Variants in KCNN1 observed in about 807,000 individuals in gnomAD.
KCNN1 encodes the protein small conductance calcium-activated potassium channel protein 1.
Under a neutral mutation model 44.7 loss-of-function variants are expected in KCNN1, and 20 were observed. That is an observed-to-expected ratio of 0.45 (90% CI 0.32 to 0.65). The LOEUF is 0.65. Among genes scored for constraint, KCNN1 ranks in the 30% least tolerant of loss-of-function variants. The probability of loss-of-function intolerance (pLI) is 0.05; values close to 1 mark genes in which losing one functional copy is unlikely to be tolerated. For synonymous variants in KCNN1, 324 were observed against 341.7 expected, an observed-to-expected ratio of 0.95 and a Z score of 0.57; for missense variants, 632 against 785.3, an observed-to-expected ratio of 0.80 and a Z score of 2.33.
At chr19:17,975,896 T>C (rs1477769511) in intron 3 of KCNN1, among the ~76,000 whole-genome samples, 1 of 151,994 alleles carries the variant, frequency 6.6e-6, no homozygotes, top group African/African-American at 2.4e-5. Flanking sequence ...GTCTTGTCAG[T>C]GTCTCGCCAT....
At chr19:17,987,020 T>C (rs2145958711) in intron 5 of KCNN1, among the ~76,000 whole-genome samples, 2 of 152,036 alleles carry the variant, frequency 1.3e-5, no homozygotes, top group Middle Eastern at 6.8e-3. Flanking sequence ...CTGGCCAGTC[T>C]GGTCTTGAAC....
At chr19:17,997,699 C>T (rs2033046981) in intron 9 of KCNN1, among the ~76,000 whole-genome samples, 2 of 152,104 alleles carry the variant, frequency 1.3e-5, no homozygotes, top group Admixed American at 1.3e-4. Flanking sequence ...AGGCTGGTCT[C>T]AAACTCCTGA....
intron 2 of KCNN1, among the ~76,000 whole-genome samples, chr19:17,961,191 A>C (rs1167140361): frequency 6.6e-6 from 1 of 150,466 alleles, no homozygotes; most frequent in East Asian, 2.0e-4. Context: ...GACTCAAAAA[A>C]AAAAAAAAAA....
Position 17,999,899 on chromosome 19 carries a change from G to C in KCNN1, c.*1493G>C, listed in dbSNP as rs2145989095. On this transcript the variant is annotated 3_prime_UTR_variant, in exon 10 of 10. Coordinates refer to ENST00000684775, the MANE Select transcript of KCNN1 (RefSeq NM_001386974.1). ...GAAGGGTATGAGGAGGTGCTGGTCA[G>C]ACCCGGGTTCGAGTCCTGACTCTGC... The C allele has an allele frequency of 2.2e-6, 1 of 452,942 alleles. No individual in the cohort carries two copies. The highest frequency in any genetic ancestry group is 4.5e-4 in the Middle Eastern group (1 of 2,198). 28.1% of individuals were successfully genotyped at this position (452,942 alleles called of 1,614,324 possible).
chr19:17,973,250 G>A (rs1383562629), intron 1 of KCNN1, among the ~76,000 whole-genome samples: 1 of 152,076 alleles, frequency 6.6e-6, no homozygotes, highest in Non-Finnish European at 1.5e-5. Flanking sequence ...TTACAAGTGT[G>A]CACCACTGGG....
intron 2 of KCNN1, among the ~76,000 whole-genome samples, chr19:17,954,894 C>T (rs370871622): frequency 5.3e-5 from 8 of 151,890 alleles, no homozygotes; most frequent in African/African-American, 7.3e-5. Flanking sequence ...AAAAATTGCC[C>T]GGGGATGGTG....
chr19:17,995,174 CT>C (rs201597845), intron 9 of KCNN1, among the ~76,000 whole-genome samples: 131 of 142,202 alleles, frequency 9.2e-4, no homozygotes, highest in Non-Finnish European at 7.9e-4. Flanking sequence ...AGGGAATCTT[CT>C]TTTTTTTTTT....
chr19:17,961,117 C>T (rs946794316), intron 2 of KCNN1, among the ~76,000 whole-genome samples: 3 of 140,524 alleles, frequency 2.1e-5, no homozygotes, highest in Admixed American at 1.6e-4. Context: ...ACCCAGGAGG[C>T]GGAGGTTGCA....
Position 17,988,526 on chromosome 19 carries a change from G to C in KCNN1, c.1170+1G>C. 6.2e-7 allele frequency: 1 copy of C among 1,611,696 alleles called. No individual in the cohort carries two copies. Among genetic ancestry groups the C allele is most frequent in the South Asian group, 1.1e-5 (1 of 90,920 alleles). ...GATGGACACTCAGCTCACCAAGCGG[G>C]TGAGGACCGCGGTTCCCATGGAGGC... On this transcript the variant is annotated splice_donor_variant, in intron 6 of 9. Coordinates refer to ENST00000684775, the MANE Select transcript of KCNN1 (RefSeq NM_001386974.1). LOFTEE classifies it high-confidence loss of function.
chr19:17,994,770 C>T (rs983588876), intron 9 of KCNN1, among the ~76,000 whole-genome samples: 10 of 152,210 alleles, frequency 6.6e-5, no homozygotes, highest in Non-Finnish European at 1.3e-4. Flanking sequence ...TCTCGAACTC[C>T]TGACCTTAAG....
rs1172260558 is a variant in KCNN1, at chr19:17,993,335, G to A, written c.1308-155G>A. On this transcript the variant is annotated intron_variant, in intron 8 of 9. Coordinates refer to ENST00000684775, the MANE Select transcript of KCNN1 (RefSeq NM_001386974.1). This position sits in a 1 kb window ranked among gnomAD's most constrained non-coding sequence, Gnocchi z 4.5. ...GGCGCACCGGCTGTGTACTGGGAGG[G>A]AATAGACTACAGGGAATCGGCCTCC... Among the ~76,000 whole-genome samples the A allele has an allele frequency of 6.6e-6, 1 of 152,118 alleles. No individual in the cohort carries two copies. Among genetic ancestry groups the A allele is most frequent in the African/African-American group, 2.4e-5 (1 of 41,432 alleles).
chr19:17,959,042 G>T (rs1305919501), intron 2 of KCNN1, among the ~76,000 whole-genome samples: 1 of 151,022 alleles, frequency 6.6e-6, no homozygotes, highest in African/African-American at 2.4e-5. Context: ...TTTGGAGACG[G>T]AGTCTTGCTC....
chr19:17,960,577 C>G (rs961728004), intron 2 of KCNN1, among the ~76,000 whole-genome samples: 2 of 151,912 alleles, frequency 1.3e-5, no homozygotes, highest in Non-Finnish European at 2.9e-5. Flanking sequence ...TTGCAGAGAG[C>G]CAGGATCTCA....
chr19:17,965,598 A>T (rs1225722083), upstream of KCNN1, among the ~76,000 whole-genome samples: 1 of 152,108 alleles, frequency 6.6e-6, no homozygotes, highest in African/African-American at 2.4e-5. Flanking sequence ...CTGGTGAGTC[A>T]GTGGAGAGAT....
upstream of KCNN1, among the ~76,000 whole-genome samples, chr19:17,962,996 C>T (rs1469534581): frequency 1.4e-5 from 2 of 144,012 alleles, no homozygotes; most frequent in Non-Finnish European, 3.0e-5. Flanking sequence ...CCACCACGCC[C>T]AGGCTTTTTT....
Position 17,998,247 on chromosome 19 carries a change from G to A in KCNN1, c.1473G>A (p.Ala491=), listed in dbSNP as rs368248859. 53 of 1,569,438 alleles carry A rather than the reference G, an allele frequency of 3.4e-5. No individual in the cohort carries two copies. The highest frequency in any genetic ancestry group is 4.7e-5 in the East Asian group (2 of 42,298). The change falls in exon 10 of 10, where the codon GCG becomes GCA. Residue 491 remains alanine, a synonymous_variant. Transcript: ENST00000684775. This position sits in a 1 kb window ranked among gnomAD's most constrained non-coding sequence, Gnocchi z 5.4. ...CCACCCTGGAAAGCCGCTTGGATGCGCTGGGTGCCTCTCTACAGGCCCTGC... is the reference window on the plus strand; with the variant it reads ...CCACCCTGGAAAGCCGCTTGGATGCACTGGGTGCCTCTCTACAGGCCCTGC... The part of the protein sequence containing the change: ...RLATLESRLD[A]LGASLQALPG...
Position 17,998,429 on chromosome 19 carries a change from C to A in KCNN1, c.*23C>A. 6.8e-7 allele frequency: 1 copy of A among 1,460,542 alleles called. No individual in the cohort carries two copies. Among genetic ancestry groups the A allele is most frequent in the Non-Finnish European group, 9.0e-7 (1 of 1,113,220 alleles). The allele number at this position is 1,460,542 out of a possible 1,614,324, so 90.5% of individuals were successfully genotyped here. ...TGACGGCCCTGCCCGCCACCAGACC[C>A]CTAAATCTTGGCCATCGTGTGGCCG... On this transcript the variant is annotated 3_prime_UTR_variant, in exon 10 of 10. Transcript: ENST00000684775. The surrounding 1 kb of genome is among the most constrained non-coding windows in gnomAD (Gnocchi z 5.4).
intron 2 of KCNN1, among the ~76,000 whole-genome samples, chr19:17,961,417 TAAAAAC>T (rs1284131908): frequency 6.6e-6 from 1 of 151,578 alleles, no homozygotes. Flanking sequence ...TCTCTACATT[TAAAAAC>T]AAAAAGAAAA....
rs2032895553 is a variant in KCNN1, at chr19:17,993,985, G to C, written c.1377+426G>C. Among the ~76,000 whole-genome samples, 2 of 152,080 alleles carry C rather than the reference G, an allele frequency of 1.3e-5. No homozygotes were observed. The highest frequency in any genetic ancestry group is 2.9e-5 in the Non-Finnish European group (2 of 68,010). On this transcript the variant is annotated intron_variant, in intron 9 of 9. Coordinates refer to ENST00000684775, the MANE Select transcript of KCNN1 (RefSeq NM_001386974.1). This position sits in a 1 kb window ranked among gnomAD's most constrained non-coding sequence, Gnocchi z 4.5. ...ACAATTAGGGGGCTAAATGGGTGAA[G>C]AGGTATTTCTAGATTTAGGCATACC...
Sources: allele counts gnomAD v4.1 joint callset (sites outside exome capture counted in the v4.1 genomes callset), GRCh38; gene constraint gnomAD v4.1.1; non-coding constraint Gnocchi (gnomAD v3.1); transcripts MANE v1.5; gene names NCBI Gene and HGNC (gene_info 2026-07-23, HGNC 2026-07-21).